The following EFHB variants were observed in gnomAD, a reference collection of about 807,000 sequenced individuals.
EFHB encodes EF-hand domain-containing family member B.
A neutral mutation model predicts 87.2 loss-of-function variants in EFHB; 91 were observed. The ratio of observed to expected loss-of-function variants is 1.04; its 90% CI spans 0.88 to 1.24. The LOEUF (loss-of-function observed/expected upper bound fraction) is 1.24. Ranked by LOEUF, EFHB falls within the 50% of genes most tolerant of loss-of-function variation. The pLI is 0.00. For synonymous variants in EFHB, 325 were observed against 333.6 expected (o/e 0.97, Z 0.28); for missense variants, 1,084 against 998.8 (o/e 1.09, Z -1.15).
At chr3:19,911,118 C>G (rs1242255848) in intron 5 of EFHB, among the ~76,000 whole-genome samples, 1 of 152,090 alleles carries the variant, frequency 6.6e-6, no homozygotes, top group East Asian at 1.9e-4. Context: ...CACCAAGGAA[C>G]AATCATGGAG....
At chr3:19,939,370 CTT>C (rs147510880) in intron 1 of EFHB, among the ~76,000 whole-genome samples, 654 of 64,404 alleles carry the variant, frequency 0.01, 1 homozygote, top group African/African-American at 0.039. Context: ...GTTGGGTCTC[CTT>C]TTTTTTTTTT....
chr3:19,920,732 TA>T (rs1486299114), intron 1 of EFHB, among the ~76,000 whole-genome samples, 165 bp from the exon 2 acceptor site: 4 of 152,212 alleles, frequency 2.6e-5, no homozygotes, highest in Non-Finnish European at 4.4e-5. Flanking sequence ...TCTTCATACG[TA>T]ACAAACATTA....
intron 9 of EFHB, among the ~76,000 whole-genome samples, chr3:19,895,610 G>T (rs770549548): frequency 4.5e-4 from 68 of 152,070 alleles, no homozygotes; most frequent in Non-Finnish European, 4.7e-4. Flanking sequence ...ATTATGGCAG[G>T]TTCTCTTATT....
chr3:19,880,197 G>A (rs971429553), intron 12 of EFHB, among the ~76,000 whole-genome samples: 1 of 151,852 alleles, frequency 6.6e-6, no homozygotes, highest in African/African-American at 2.4e-5. Flanking sequence ...TTGGTCTTGT[G>A]TATGTCACCT....
intron 9 of EFHB, among the ~76,000 whole-genome samples, chr3:19,896,066 T>C (rs1694471712): frequency 6.6e-6 from 1 of 152,194 alleles, no homozygotes; most frequent in Non-Finnish European, 1.5e-5. Flanking sequence ...GGAAAAGACA[T>C]TCTAAGCTTG....
intron 1 of EFHB, among the ~76,000 whole-genome samples, chr3:19,932,485 G>T (rs889385687): frequency 6.6e-6 from 1 of 152,156 alleles, no homozygotes; most frequent in African/African-American, 2.4e-5. Flanking sequence ...AACATAGGAA[G>T]CTTTGGTTGT....
In EFHB at chr3:19,905,664, T is replaced by A. The variant is rs777255302; in HGVS notation, c.1374A>T (p.Gly458=). 7.9e-5 allele frequency: 128 copies of A among 1,613,880 alleles called. No individual in the cohort carries two copies. The highest frequency in any genetic ancestry group is 8.9e-5 in the Non-Finnish European group (105 of 1,179,820). The change falls in exon 6 of 13, where the codon GGA becomes GGT. Residue 458 remains glycine (G), a synonymous_variant. Coordinates refer to ENST00000295824, the MANE Select transcript of EFHB (RefSeq NM_144715.4). ...YGVPTPHFND[G]RAMAKSLYWL... is the part of the protein sequence containing the mutation. Reference sequence around the variant, plus strand: ...AATATAGAGATTTTGCCATGGCTCGTCCATCATTAAAATGTGGTGTTGGTA... The same window carrying A: ...AATATAGAGATTTTGCCATGGCTCGACCATCATTAAAATGTGGTGTTGGTA...
chr3:19,935,000 T>C (rs530132575), upstream of EFHB, among the ~76,000 whole-genome samples: 10 of 152,018 alleles, frequency 6.6e-5, no homozygotes, highest in South Asian at 2.1e-3. Flanking sequence ...AAACTCCGCC[T>C]CCTGGGTCCA....
At chr3:19,940,832 G>C (rs939971013) in intron 1 of EFHB, 2 of 383,730 alleles carry the variant, frequency 5.2e-6, no homozygotes, top group Non-Finnish European at 1.0e-5. Flanking sequence ...TGCTATCCTT[G>C]GTCATGACAT....
intron 9 of EFHB, among the ~76,000 whole-genome samples, chr3:19,889,800 C>T (rs1694241917): frequency 6.6e-6 from 1 of 152,088 alleles, no homozygotes; most frequent in African/African-American, 2.4e-5. Flanking sequence ...GGGAGCCTGA[C>T]CAACACGGAG....
chr3:19,941,290 G>A (rs766823783), intron 1 of EFHB: 1 of 257,866 alleles, frequency 3.9e-6, no homozygotes, highest in Non-Finnish European at 7.8e-6. Context: ...GCATGTGTAA[G>A]AGGTATAGAC....
intron 1 of EFHB, among the ~76,000 whole-genome samples, chr3:19,922,820 C>T (rs150017675): frequency 8.5e-4 from 130 of 152,234 alleles, no homozygotes; most frequent in African/African-American, 2.5e-3. Flanking sequence ...ACATATAAAA[C>T]GCTTAGAACA....
At chr3:19,893,837 T>C (rs2929383) in intron 9 of EFHB, among the ~76,000 whole-genome samples, 75,674 of 151,984 alleles carry the variant, frequency 0.5, 21,340 homozygotes, top group African/African-American at 0.78. Context: ...TTACTGACCT[T>C]ATGCAGCCCC....
At chr3:19,944,798 G>T (rs984248630) in intron 1 of EFHB, among the ~76,000 whole-genome samples, 1 of 152,080 alleles carries the variant, frequency 6.6e-6, no homozygotes, top group South Asian at 2.1e-4. Context: ...CTTAATGTTC[G>T]TGATTCTAAA....
At chr3:19,897,256 C>T (rs566736961) in intron 8 of EFHB, among the ~76,000 whole-genome samples, 31 of 152,278 alleles carry the variant, frequency 2.0e-4, no homozygotes, top group Middle Eastern at 3.4e-3. Flanking sequence ...ACTGGGAGAG[C>T]CTTGTAAAAA....
intron 1 of EFHB, among the ~76,000 whole-genome samples, chr3:19,946,635 T>C (rs1178433701): frequency 6.6e-6 from 1 of 152,110 alleles, no homozygotes; most frequent in African/African-American, 2.4e-5. Flanking sequence ...TTTAGCAGCC[T>C]TTACCGACCT....
intron 5 of EFHB, among the ~76,000 whole-genome samples, chr3:19,909,450 A>T (rs1364074178): frequency 6.6e-6 from 1 of 152,134 alleles, no homozygotes; most frequent in Non-Finnish European, 1.5e-5. Context: ...GGGCTACAGC[A>T]CTCTGTGTCT....
Position 19,888,518 on chromosome 3 carries a change from A to C in EFHB, c.1859T>G (p.Leu620Arg), listed in dbSNP as rs1402592005. 1 of 1,582,056 alleles carries C rather than the reference A, an allele frequency of 6.3e-7. No homozygotes were observed. The highest frequency in any genetic ancestry group is 8.6e-7 in the Non-Finnish European group (1 of 1,162,202). ...CCAGTTAAGAAAATTTGCGAATTCC[A>C]GATAGTTAATGAAGCCATCATTATC... ...DVDNDGFINY[L>R]EFANFLNWKD... The change falls in exon 10 of 13, where the codon CTG becomes CGG. Residue 620 changes from leucine (L) to arginine (R), a missense_variant. Transcript: ENST00000295824.
Position 19,918,358 on chromosome 3 carries a change from C to T in EFHB, c.1051G>A (p.Asp351Asn), listed in dbSNP as rs1695310682. ...PITTFQQKIKDKKESIYLSNR... is the reference protein window; with the variant it reads ...PITTFQQKIKNKKESIYLSNR... ...CTAAGATATATAGATTCTTTTTTAT[C>T]TTTAATTTTCTGTTGAAATGTGGTA... Residue 351 changes from aspartate (D) to asparagine (N), a missense_variant, in exon 4 of 13, where the codon GAT becomes AAT. Coordinates refer to ENST00000295824, the MANE Select transcript of EFHB (RefSeq NM_144715.4). 2 of 1,610,802 alleles carry T rather than the reference C, an allele frequency of 1.2e-6. No homozygotes were observed. The highest frequency in any genetic ancestry group is 1.7e-6 in the Non-Finnish European group (2 of 1,179,026).
Sources: gnomAD v4.1 joint callset for allele counts (sites outside exome capture counted in the v4.1 genomes callset) on GRCh38, gnomAD v4.1.1 for gene constraint, MANE v1.5 for transcripts, NCBI Gene and HGNC (gene_info 2026-07-23, HGNC 2026-07-21) for gene names.